The following EIF2A variants were observed in gnomAD, a reference collection of about 807,000 sequenced individuals.
The protein encoded by EIF2A is eukaryotic translation initiation factor 2A, also known as 65 kDa eukaryotic translation initiation factor 2A.
Under a neutral mutation model 75.2 loss-of-function variants are expected in EIF2A, and 62 were observed. That is an observed-to-expected ratio of 0.82 (90% confidence interval 0.67 to 1.02). The LOEUF (loss-of-function observed/expected upper bound fraction) is 1.02, where lower values mean the gene tolerates loss of function less well. EIF2A is among the 50% of genes least tolerant of loss of function. EIF2A has a pLI of 0.00. For synonymous variants in EIF2A, 207 were observed against 239.0 expected, an observed-to-expected ratio of 0.87 and a Z score of 1.23; for missense variants, 611 against 677.7, an observed-to-expected ratio of 0.90 and a Z score of 1.09.
At chr3:150,582,467 A>C (rs1029067399) in intron 12 of EIF2A, among the ~76,000 whole-genome samples, 1 of 151,792 alleles carries the variant, frequency 6.6e-6, no homozygotes, top group Non-Finnish European at 1.5e-5. Context: ...GGCGCCTGCC[A>C]CCACACCTGG....
intron 11 of EIF2A, among the ~76,000 whole-genome samples, chr3:150,578,626 C>A (rs1725007528): frequency 6.6e-6 from 1 of 151,968 alleles, no homozygotes; most frequent in East Asian, 1.9e-4. Flanking sequence ...AAGATGATAC[C>A]AAAGGTGATA....
chr3:150,565,644 G>C (rs939446188), intron 6 of EIF2A, among the ~76,000 whole-genome samples: 1 of 151,898 alleles, frequency 6.6e-6, no homozygotes, highest in Admixed American at 6.6e-5. Flanking sequence ...CTGCAATCTC[G>C]ACTTCCTGGG....
chr3:150,549,512 C>T (rs1401185915), intron 1 of EIF2A, among the ~76,000 whole-genome samples: 1 of 152,158 alleles, frequency 6.6e-6, no homozygotes, highest in Non-Finnish European at 1.5e-5. Flanking sequence ...GCCACCATGC[C>T]TGGCCAGAAA....
chr3:150,571,838 A>G, intron 9 of EIF2A, 120 bp from the exon 10 acceptor site: 1 of 846,230 alleles, frequency 1.2e-6, no homozygotes. Flanking sequence ...TAATGTTAAC[A>G]TTCCTTGAAA....
At chr3:150,549,724 A>G (rs1431089867) in intron 1 of EIF2A, among the ~76,000 whole-genome samples, 1 of 152,168 alleles carries the variant, frequency 6.6e-6, no homozygotes, top group Non-Finnish European at 1.5e-5. Flanking sequence ...TCAGGACTAA[A>G]TTATCTTCCC....
intron 6 of EIF2A, chr3:150,566,589 A>G (rs1247968175): frequency 6.6e-6 from 1 of 152,148 alleles, no homozygotes; most frequent in Non-Finnish European, 1.5e-5. Context: ...TTTAAATTGA[A>G]GACTACAAGG....
chr3:150,553,714 T>C (rs905170061), intron 2 of EIF2A, among the ~76,000 whole-genome samples: 1 of 152,188 alleles, frequency 6.6e-6, no homozygotes, highest in Non-Finnish European at 1.5e-5. Context: ...CCTGGCCTAA[T>C]AGTTTTCTTT....
intron 11 of EIF2A, 137 bp from the exon 12 acceptor site, chr3:150,581,481 T>C (rs1472842154): frequency 8.9e-7 from 1 of 1,124,634 alleles, no homozygotes; most frequent in Non-Finnish European, 1.2e-6. Flanking sequence ...ATGAGACCTT[T>C]AATTCAGATT....
At chr3:150,549,358 A>G (rs562497760) in intron 1 of EIF2A, among the ~76,000 whole-genome samples, 1 of 152,060 alleles carries the variant, frequency 6.6e-6, no homozygotes, top group South Asian at 2.1e-4. Flanking sequence ...AGCTGGGATT[A>G]CAGGCGTGCA....
chr3:150,555,044 C>T (rs1348705109), intron 2 of EIF2A, among the ~76,000 whole-genome samples: 5 of 152,162 alleles, frequency 3.3e-5, no homozygotes, highest in African/African-American at 9.7e-5. Context: ...ACTCCTGCCT[C>T]AGTATCCCAA....
At chr3:150,547,695 GA>G (rs1426575354) in intron 1 of EIF2A, among the ~76,000 whole-genome samples, 1 of 152,078 alleles carries the variant, frequency 6.6e-6, no homozygotes, top group Non-Finnish European at 1.5e-5. Context: ...TCCCCCCCGC[GA>G]AAGGAACCTT....
intron 2 of EIF2A, among the ~76,000 whole-genome samples, chr3:150,553,181 G>A (rs375670476): frequency 6.6e-6 from 1 of 152,034 alleles, no homozygotes; most frequent in African/African-American, 2.4e-5. Flanking sequence ...AGCCGGGTGT[G>A]GGGGCAGGCG....
chr3:150,558,633 A>G (rs1177237919), intron 3 of EIF2A, 171 bp downstream of exon 3: 6 of 462,202 alleles, frequency 1.3e-5, no homozygotes, highest in Non-Finnish European at 2.2e-5. Context: ...GTTCATTTCT[A>G]TGTATATGCC....
chr3:150,582,418 C>T (rs1037874440), intron 12 of EIF2A, among the ~76,000 whole-genome samples: 3 of 148,856 alleles, frequency 2.0e-5, no homozygotes, highest in African/African-American at 7.4e-5. Context: ...GGGTTCAGGC[C>T]ATTCTCCTGC....
At chr3:150,552,166 A>C (rs951576258) in intron 1 of EIF2A, among the ~76,000 whole-genome samples, 190 bp from the exon 2 acceptor site, 4 of 152,220 alleles carry the variant, frequency 2.6e-5, no homozygotes, top group Non-Finnish European at 4.4e-5. Context: ...CGTATTTCTC[A>C]GCAATTATAT....
chr3:150,547,817 A>G (rs988687047), intron 1 of EIF2A, among the ~76,000 whole-genome samples: 2 of 152,182 alleles, frequency 1.3e-5, no homozygotes, highest in Admixed American at 1.3e-4. Flanking sequence ...CAGTTTAGTC[A>G]TCATTTATCA....
chr3:150,564,152 G>C (rs1387405986), intron 5 of EIF2A, 147 bp from the exon 6 acceptor site: 1 of 614,158 alleles, frequency 1.6e-6, no homozygotes, highest in East Asian at 3.1e-5. Flanking sequence ...AAAACTATTA[G>C]TAACTGACTT....
rs1723678886 is a variant in EIF2A, at chr3:150,558,395, GGGAAGAATTGCAAAGTCT to G, written c.108_125del (p.Lys37_Cys42del). 6.6e-7 allele frequency: 1 copy of G among 1,519,564 alleles called. No homozygotes were observed. The allele number at this position is 1,519,564 out of a possible 1,614,324, so 94.1% of individuals were successfully genotyped here. ...TTTTTTTGTCATTTTCAGGGAATCT[GGGAAGAATTGCAAAGTCT>G]GTATCTTTAGTAAGGATGGGACCTT... On this transcript the variant is annotated inframe_deletion, in exon 3 of 14. Transcript: ENST00000460851.
At chr3:150,564,519 ATTCT>A (rs1254940959) in intron 6 of EIF2A, 138 bp downstream of exon 6, 9 of 580,148 alleles carry the variant, frequency 1.6e-5, no homozygotes, top group Non-Finnish European at 2.2e-5. Flanking sequence ...CATTTGCATA[ATTCT>A]TTATAAGTCT....
Sources: allele counts gnomAD v4.1 joint callset (sites outside exome capture counted in the v4.1 genomes callset), GRCh38; gene constraint gnomAD v4.1.1; transcripts MANE v1.5; gene names NCBI Gene and HGNC (gene_info 2026-07-23, HGNC 2026-07-21).